ERC2: variants seen among roughly 807,000 people sequenced by gnomAD.
ERC2 encodes the protein ELKS/RAB6-interacting/CAST family member 2.
A neutral mutation model predicts 114.8 loss-of-function variants in ERC2; 42 were observed. That is an observed-to-expected ratio of 0.37 (90% confidence interval 0.29 to 0.47). The LOEUF (loss-of-function observed/expected upper bound fraction) is 0.47. Ranked by LOEUF, ERC2 falls within the 20% of genes least tolerant of loss-of-function variation. The pLI is 0.99. For missense variants in ERC2, 939 were observed against 1,150.7 expected, an observed-to-expected ratio of 0.82 and a Z score of 2.66; for synonymous variants, 454 against 425.5, an observed-to-expected ratio of 1.07 and a Z score of -0.82.
intron 3 of ERC2, among the ~76,000 whole-genome samples, chr3:56,281,147 T>TAG (rs1294330824): frequency 6.6e-6 from 1 of 152,168 alleles, no homozygotes; most frequent in African/African-American, 2.4e-5. Flanking sequence ...ATTAAAAGTA[T>TAG]AGAGGACAGG....
chr3:55,695,135 T>C (rs983187527), intron 16 of ERC2, among the ~76,000 whole-genome samples: 7 of 152,176 alleles, frequency 4.6e-5, no homozygotes, highest in Admixed American at 2.0e-4. Flanking sequence ...ACAGAGAACA[T>C]TTAGGAAAAG....
At chr3:56,410,049 C>T (rs943749353) in intron 2 of ERC2, among the ~76,000 whole-genome samples, 1 of 152,202 alleles carries the variant, frequency 6.6e-6, no homozygotes, top group Non-Finnish European at 1.5e-5. Context: ...AAAATGAAGC[C>T]TCATTACCCC....
At chr3:56,179,455 G>A (rs1282609833) in intron 3 of ERC2, among the ~76,000 whole-genome samples, 2 of 152,190 alleles carry the variant, frequency 1.3e-5, no homozygotes, top group Non-Finnish European at 2.9e-5. Flanking sequence ...TCCCAATGTT[G>A]TATTGCAGCA....
chr3:56,227,845 A>G (rs1419453694), intron 3 of ERC2, among the ~76,000 whole-genome samples: 1 of 152,250 alleles, frequency 6.6e-6, no homozygotes, highest in Non-Finnish European at 1.5e-5. Flanking sequence ...GCAGCACTAC[A>G]TAGAATAAAC....
chr3:55,831,910 T>C (rs530960340), intron 14 of ERC2, among the ~76,000 whole-genome samples: 4 of 152,296 alleles, frequency 2.6e-5, no homozygotes, highest in African/African-American at 9.6e-5. Flanking sequence ...CCGAATACTG[T>C]GCTTTTCCAA....
rs763201525 is a variant in ERC2, at chr3:56,139,501, T to A, written c.1473+8A>T. ...TCTGCTGTCTAGAATCCTGAGAGAG[T>A]GCCTTACCTCAGTCTGAAGGATGGC... is the stretch of plus-strand genomic sequence containing the variant. On this transcript the variant is annotated splice_region_variant and intron_variant, in intron 6 of 17. Transcript: ENST00000288221. 7.5e-6 allele frequency: 12 copies of A among 1,605,900 alleles called. No homozygotes were observed. The highest frequency in any genetic ancestry group is 3.3e-4 in the Middle Eastern group (2 of 6,032).
intron 14 of ERC2, among the ~76,000 whole-genome samples, chr3:55,748,374 A>G (rs2066441712): frequency 6.6e-6 from 1 of 152,214 alleles, no homozygotes; most frequent in Non-Finnish European, 1.5e-5. Flanking sequence ...ACCACTGTGT[A>G]CCACGTACCA....
At chr3:55,792,107 A>T (rs911213273) in intron 14 of ERC2, among the ~76,000 whole-genome samples, 3 of 152,360 alleles carry the variant, frequency 2.0e-5, no homozygotes, top group South Asian at 2.1e-4. Context: ...AAGTCAACAG[A>T]TAAACAGACT....
chr3:56,279,981 G>A (rs1398568104), intron 3 of ERC2, among the ~76,000 whole-genome samples: 2 of 152,182 alleles, frequency 1.3e-5, no homozygotes, highest in East Asian at 3.9e-4. Flanking sequence ...GGACCTTGCA[G>A]ATGTGAATGA....
At chr3:56,313,116 A>T (rs1207114336) in intron 2 of ERC2, among the ~76,000 whole-genome samples, 1 of 146,870 alleles carries the variant, frequency 6.8e-6, no homozygotes, top group East Asian at 2.0e-4. Context: ...CCAGCATACC[A>T]TAAAAAAGTA....
intron 17 of ERC2, among the ~76,000 whole-genome samples, chr3:55,525,362 A>AGGTCAG (rs1488642087): frequency 1.3e-5 from 2 of 152,210 alleles, no homozygotes; most frequent in African/African-American, 4.8e-5. Flanking sequence ...ACTTGCAGCC[A>AGGTCAG]GGTCAGGGGC....
intron 3 of ERC2, among the ~76,000 whole-genome samples, chr3:56,215,748 G>C (rs12638752): frequency 0.45 from 69,008 of 151,982 alleles, 16,126 homozygotes; most frequent in East Asian, 0.71. Context: ...TGGAAGTAAA[G>C]CACTCCTCAG....
intron 17 of ERC2, among the ~76,000 whole-genome samples, chr3:55,633,451 C>G (rs1437644588): frequency 6.6e-6 from 1 of 152,114 alleles, no homozygotes; most frequent in Non-Finnish European, 1.5e-5. Flanking sequence ...TATCCCTTCC[C>G]CACGAAGGTT....
intron 17 of ERC2, among the ~76,000 whole-genome samples, chr3:55,556,081 C>G (rs1269855937): frequency 6.6e-6 from 1 of 152,092 alleles, no homozygotes; most frequent in Non-Finnish European, 1.5e-5. Flanking sequence ...AGGATGGAAG[C>G]CCTCCCTTGG....
At chr3:56,118,680 A>AG (rs1428721708) in intron 6 of ERC2, among the ~76,000 whole-genome samples, 2 of 134,268 alleles carry the variant, frequency 1.5e-5, no homozygotes, top group African/African-American at 2.9e-5. Context: ...TCTGTCGCCC[A>AG]GGCTGGAGTG....
At chr3:55,924,191 A>G (rs907644061) in intron 13 of ERC2, among the ~76,000 whole-genome samples, 2 of 152,142 alleles carry the variant, frequency 1.3e-5, no homozygotes, top group African/African-American at 2.4e-5. Context: ...GTAGAATTAA[A>G]GCTGTCCTTA....
At chr3:56,432,469 G>T (rs553773656) in intron 2 of ERC2, among the ~76,000 whole-genome samples, 37 of 152,290 alleles carry the variant, frequency 2.4e-4, no homozygotes, top group African/African-American at 8.9e-4. Context: ...TCAGAAAGAA[G>T]CAGAAATGAT....
At chr3:56,206,069 T>C (rs1478381228) in intron 3 of ERC2, among the ~76,000 whole-genome samples, 1 of 152,168 alleles carries the variant, frequency 6.6e-6, no homozygotes, top group African/African-American at 2.4e-5. Context: ...CCCTCACTAC[T>C]TAGGCATGGT....
chr3:55,709,179 T>C (rs1296566221), intron 15 of ERC2, among the ~76,000 whole-genome samples: 2 of 152,018 alleles, frequency 1.3e-5, no homozygotes, highest in Non-Finnish European at 2.9e-5. Flanking sequence ...CTAGTAGAAC[T>C]CTAGGAGCAT....
Sources: gnomAD v4.1 joint callset for allele counts (sites outside exome capture counted in the v4.1 genomes callset) on GRCh38, gnomAD v4.1.1 for gene constraint, MANE v1.5 for transcripts, NCBI Gene and HGNC (gene_info 2026-07-23, HGNC 2026-07-21) for gene names.